ERG: variants seen among roughly 807,000 people sequenced by gnomAD.
ERG encodes ETS transcription factor ERG, also known as transcriptional regulator ERG.
In ERG, 9 loss-of-function variants were observed where a neutral mutation model predicts 55.3. The ratio of observed to expected loss-of-function variants is 0.16; its 90% CI spans 0.10 to 0.28. The LOEUF (loss-of-function observed/expected upper bound fraction) is 0.28, where lower values mean the gene tolerates loss of function less well. Among genes scored for constraint, ERG ranks in the 10% least tolerant of loss-of-function variants. The probability of loss-of-function intolerance (pLI) is 1.00; values close to 1 mark genes in which losing one functional copy is unlikely to be tolerated. For synonymous variants in ERG, 223 were observed against 237.3 expected, an observed-to-expected ratio of 0.94 and a Z score of 0.55; for missense variants, 434 against 631.6, an observed-to-expected ratio of 0.69 and a Z score of 3.35.
intron 1 of ERG, among the ~76,000 whole-genome samples, chr21:38,618,050 T>C (rs1387629537): frequency 1.3e-5 from 2 of 152,162 alleles, no homozygotes; most frequent in Non-Finnish European, 2.9e-5. Flanking sequence ...TGGAGTACCA[T>C]TTACAACTTT....
chr21:38,573,225 G>A (rs892759785), intron 2 of ERG, among the ~76,000 whole-genome samples: 1 of 152,222 alleles, frequency 6.6e-6, no homozygotes, highest in Non-Finnish European at 1.5e-5. Flanking sequence ...TATTGTCCAA[G>A]GTTTCTCCCA....
intron 1 of ERG, among the ~76,000 whole-genome samples, chr21:38,651,074 C>T (rs981537795): frequency 1.4e-4 from 22 of 152,322 alleles, no homozygotes; most frequent in Non-Finnish European, 2.5e-4. Flanking sequence ...AGCATGATTC[C>T]GGCAAAAGCC....
intron 1 of ERG, among the ~76,000 whole-genome samples, chr21:38,601,047 G>C (rs2077186372): frequency 1.3e-5 from 2 of 152,182 alleles, no homozygotes; most frequent in South Asian, 4.1e-4. Flanking sequence ...ACCACCCAGG[G>C]TTATCACCTC....
intron 2 of ERG, among the ~76,000 whole-genome samples, chr21:38,570,748 G>A (rs1013213628): frequency 2.6e-5 from 4 of 152,144 alleles, no homozygotes; most frequent in East Asian, 1.9e-4. Context: ...TCTTATCCAC[G>A]ACATGAAACT....
Position 38,510,353 on chromosome 21 carries a change from A to G in ERG, c.-41+65309T>C, listed in dbSNP as rs1425806434. ...GAGCTTTTCATCAGGAATGGAAAGCATTAATGCGTCTCACACGTCACTCTC... is the reference window on the plus strand; with the variant it reads ...GAGCTTTTCATCAGGAATGGAAAGCGTTAATGCGTCTCACACGTCACTCTC... On this transcript the variant is annotated intron_variant, in intron 2 of 8. Coordinates refer to the ERG transcript ENST00000398897. 2.0e-5 allele frequency among the ~76,000 whole-genome samples: 3 copies of G among 152,236 alleles called. No homozygotes were observed. In the East Asian group the frequency reaches 5.8e-4, roughly 29 times the overall value.
chr21:38,411,049 A>G (rs2032092), intron 3 of ERG, among the ~76,000 whole-genome samples: 132,146 of 152,168 alleles, frequency 0.87, 57,900 homozygotes, highest in Non-Finnish European at 0.94. Flanking sequence ...ATAAGCCTGC[A>G]AAAATAAGAT....
chr21:38,493,453 G>A (rs2059353921), intron 1 of ERG, among the ~76,000 whole-genome samples: 1 of 152,158 alleles, frequency 6.6e-6, no homozygotes, highest in Admixed American at 6.5e-5. Context: ...AATTTGCTGT[G>A]GTTGGTTAGG....
At chr21:38,652,096 A>G (rs1202004303) in intron 1 of ERG, among the ~76,000 whole-genome samples, 1 of 152,166 alleles carries the variant, frequency 6.6e-6, no homozygotes, top group Non-Finnish European at 1.5e-5. Flanking sequence ...CACCTGAGAT[A>G]TTGAAGTAGG....
chr21:38,577,269 T>C (rs2836533), intron 1 of ERG, among the ~76,000 whole-genome samples: 90,066 of 151,882 alleles, frequency 0.59, 29,101 homozygotes, highest in African/African-American at 0.86. Flanking sequence ...CCAACCCAAT[T>C]GCCTCTCATG....
chr21:38,553,146 T>C (rs1403287362), intron 2 of ERG, among the ~76,000 whole-genome samples: 1 of 152,044 alleles, frequency 6.6e-6, no homozygotes, highest in Non-Finnish European at 1.5e-5. Context: ...AGTGAAAATC[T>C]CTATGACAAG....
chr21:38,463,433 C>T (rs2059061161), intron 1 of ERG, among the ~76,000 whole-genome samples: 2 of 152,162 alleles, frequency 1.3e-5, no homozygotes, highest in African/African-American at 4.8e-5. Flanking sequence ...AATACTGGCT[C>T]CATGAGGGCA....
intron 3 of ERG, among the ~76,000 whole-genome samples, chr21:38,405,510 A>G (rs1419559911): frequency 3.3e-5 from 5 of 152,106 alleles, no homozygotes; most frequent in East Asian, 1.9e-4. Context: ...GTCTGCTTCA[A>G]TTAGGCTGGA....
At chr21:38,488,109 G>A (rs893977689) in intron 1 of ERG, among the ~76,000 whole-genome samples, 2 of 152,108 alleles carry the variant, frequency 1.3e-5, no homozygotes, top group African/African-American at 4.8e-5. Context: ...TCTTCCCTTC[G>A]CAATGCACTG....
At chr21:38,369,984 G>A in the ERG span, among the ~76,000 whole-genome samples, 1 of 151,934 alleles carries the variant, frequency 6.6e-6, no homozygotes, top group Non-Finnish European at 1.5e-5. Context: ...CTATGTGTCT[G>A]TTTTTTGTAC....
Position 38,383,687 on chromosome 21 carries a change from A to G in ERG, c.1156T>C (p.Tyr386His). ...CCGTGGAAGTCGAACTTGTAGGCGT[A>G]GCGCTTCCCATGGACCTTGGTCATG... ...NIMTKVHGKR[Y>H]AYKFDFHGIA... Residue 386 changes from tyrosine to histidine, a missense_variant, in exon 10 of 10, where the codon TAC (tyrosine) becomes CAC (histidine). By Grantham distance (83) the Tyr-to-His change is moderately conservative. This residue lies in a region of ERG where 107 missense variants were observed against 126.8 expected (regional missense o/e 0.84). Coordinates refer to ENST00000288319, the MANE Select transcript of ERG (RefSeq NM_182918.4). The surrounding 1 kb of genome is among the most constrained non-coding windows in gnomAD (Gnocchi z 5.7). The G allele has an allele frequency of 6.2e-7, 1 of 1,614,162 alleles. No homozygotes were observed. Among genetic ancestry groups the G allele is most frequent in the Non-Finnish European group, 8.5e-7 (1 of 1,180,038 alleles).
chr21:38,433,051 G>A (rs1193985732), intron 2 of ERG, among the ~76,000 whole-genome samples: 1 of 152,176 alleles, frequency 6.6e-6, no homozygotes, highest in Non-Finnish European at 1.5e-5. Context: ...CTTGGAAGGT[G>A]GCAATGTTTA....
chr21:38,418,291 G>GTGTGTGTGTGTC (rs1569081570), intron 3 of ERG, among the ~76,000 whole-genome samples: 1 of 151,680 alleles, frequency 6.6e-6, no homozygotes, highest in Non-Finnish European at 1.5e-5. Context: ...GTGTGTGTGT[G>GTGTGTGTGTGTC]TGTGTGTGTG....
At chr21:38,441,934 C>T (rs1380927320) in intron 2 of ERG, among the ~76,000 whole-genome samples, 3 of 152,176 alleles carry the variant, frequency 2.0e-5, no homozygotes, top group Admixed American at 6.5e-5. Flanking sequence ...CCGGAGGACC[C>T]GGAGGATGAA....
intron 2 of ERG, among the ~76,000 whole-genome samples, chr21:38,529,080 C>T (rs2059653084): frequency 6.6e-6 from 1 of 151,980 alleles, no homozygotes; most frequent in African/African-American, 2.4e-5. Context: ...GTGGCCACAG[C>T]AGAGTGAGCC....
Sources: allele counts gnomAD v4.1 joint callset (sites outside exome capture counted in the v4.1 genomes callset), GRCh38; gene constraint gnomAD v4.1.1; regional missense constraint gnomAD v4.1.1; non-coding constraint Gnocchi (gnomAD v3.1); transcripts MANE v1.5; gene names NCBI Gene and HGNC (gene_info 2026-07-23, HGNC 2026-07-21).